Variants in PTPRK observed in about 807,000 individuals in gnomAD.
PTPRK encodes protein tyrosine phosphatase receptor type K.
Under a neutral mutation model 178.0 loss-of-function variants are expected in PTPRK, and 75 were observed. The ratio of observed to expected loss-of-function variants is 0.42; its 90% CI spans 0.35 to 0.51. PTPRK has a LOEUF of 0.51. Among genes scored for constraint, PTPRK ranks in the 20% least tolerant of loss-of-function variants. The probability of loss-of-function intolerance (pLI) is 0.02; values close to 1 mark genes in which losing one functional copy is unlikely to be tolerated. For synonymous variants in PTPRK, 637 were observed against 620.6 expected, an observed-to-expected ratio of 1.03 and a Z score of -0.39; for missense variants, 1,441 against 1,797.8, an observed-to-expected ratio of 0.80 and a Z score of 3.59.
At position 128,040,703 on chromosome 6, in the gene PTPRK, C is replaced by T. The variant is rs114198019; in HGVS notation, c.2194+24055G>A. On this transcript the variant is annotated intron_variant, in intron 13 of 29. Transcript: ENST00000368226. ...GTAAGGCTCTTCCTGCCACTACTAA[C>T]GATATACAAAATGTGATGAGTATCA... Among the ~76,000 whole-genome samples, 724 of 152,176 alleles carry T rather than the reference C, an allele frequency of 4.8e-3. 7 individuals carry two copies. Among genetic ancestry groups the T allele is most frequent in the African/African-American group, 0.016 (676 of 41,542 alleles).
chr6:128,435,605 T>C (rs1845486956), intron 1 of PTPRK, among the ~76,000 whole-genome samples: 3 of 152,218 alleles, frequency 2.0e-5, no homozygotes, highest in Non-Finnish European at 2.9e-5. Flanking sequence ...GATAGTTTTC[T>C]ATCTTTCTGG....
chr6:128,500,072 A>G (rs746043878), intron 1 of PTPRK, among the ~76,000 whole-genome samples: 2 of 152,190 alleles, frequency 1.3e-5, no homozygotes, highest in African/African-American at 2.4e-5. Flanking sequence ...TTACCTCTGA[A>G]ATACTCAGGC....
At chr6:128,294,964 T>C (rs1210104743) in intron 3 of PTPRK, among the ~76,000 whole-genome samples, 2 of 151,936 alleles carry the variant, frequency 1.3e-5, no homozygotes, top group Non-Finnish European at 2.9e-5. Context: ...GAAAGACATA[T>C]GGTTAGAATT....
At position 127,985,851 on chromosome 6, in the gene PTPRK, C is replaced by T. The variant is rs375068975; in HGVS notation, c.3121G>A (p.Val1041Ile). ...ERRGYNEIREVKQFHFTGWPD... is the reference protein window; with the variant it reads ...ERRGYNEIREIKQFHFTGWPD... Reference sequence around the variant, plus strand: ...CAGCCCGTGAAATGGAACTGTTTAACTTCACGGATTTCATTGTACCCCCTC... The same window carrying T: ...CAGCCCGTGAAATGGAACTGTTTAATTTCACGGATTTCATTGTACCCCCTC... The change falls in exon 22 of 30, where the codon GTT becomes ATT. Residue 1041 changes from valine (V) to isoleucine (I), a missense_variant. Physicochemically the swap from Val to Ile is conservative, Grantham distance 29 (BLOSUM62 3). Transcript: ENST00000368226. 1.2e-6 allele frequency: 2 copies of T among 1,611,928 alleles called. No homozygotes were observed. Among genetic ancestry groups the T allele is most frequent in the Non-Finnish European group, 8.5e-7 (1 of 1,178,294 alleles).
intron 6 of PTPRK, among the ~76,000 whole-genome samples, chr6:128,206,991 T>C (rs1807096730): frequency 6.6e-6 from 1 of 152,196 alleles, no homozygotes; most frequent in African/African-American, 2.4e-5. Flanking sequence ...TTTGATATGC[T>C]ACTTGCTTCC....
intron 6 of PTPRK, 77 bp from the exon 7 acceptor site, chr6:128,184,802 A>G (rs1802490544): frequency 1.5e-6 from 2 of 1,354,344 alleles, no homozygotes; most frequent in Non-Finnish European, 2.0e-6. Context: ...AATAAGGCCT[A>G]AATGCTTAAT....
chr6:128,488,161 G>C (rs1185834305), intron 1 of PTPRK, among the ~76,000 whole-genome samples: 2 of 152,206 alleles, frequency 1.3e-5, no homozygotes, highest in Non-Finnish European at 1.5e-5. Context: ...GCAGGTCCAA[G>C]AGTCCAAAAG....
chr6:128,351,196 A>G (rs1308820337), intron 2 of PTPRK, among the ~76,000 whole-genome samples: 3 of 152,210 alleles, frequency 2.0e-5, no homozygotes, highest in Non-Finnish European at 4.4e-5. Flanking sequence ...AAGTAAATAA[A>G]AGGTGGCATT....
chr6:128,075,742 G>A (rs763447518), intron 11 of PTPRK, among the ~76,000 whole-genome samples: 24 of 151,950 alleles, frequency 1.6e-4, no homozygotes, highest in Non-Finnish European at 2.8e-4. Context: ...AACTAAACAC[G>A]AAAACTCTAT....
In PTPRK at chr6:127,973,117, T is replaced by C. The variant is rs766854719; in HGVS notation, c.4174A>G (p.Ile1392Val). The change falls in exon 29 of 30, where the codon ATC (isoleucine) becomes GTC (valine). Residue 1392 changes from isoleucine to valine, a missense_variant. By Grantham distance (29) the Ile-to-Val change is conservative. Around this residue, in one of 4 missense-constraint regions of PTPRK, gnomAD observed 335 missense variants for 512.4 expected, o/e 0.65. Coordinates refer to ENST00000368226, the MANE Select transcript of PTPRK (RefSeq NM_002844.4). ...GRSGMFCAIG[I>V]VVEMVKRQNV... ...TGCCGTTTCACCATTTCAACAACGATGCCTATAGCACAGAACATGCCACTT... is the reference window on the plus strand; with the variant it reads ...TGCCGTTTCACCATTTCAACAACGACGCCTATAGCACAGAACATGCCACTT... 17 of 1,613,906 alleles carry C rather than the reference T, an allele frequency of 1.1e-5. No individual in the cohort carries two copies. Among genetic ancestry groups the C allele is most frequent in the East Asian group, 2.2e-5 (1 of 44,892 alleles).
rs191253079 is a variant in PTPRK at position 128,485,473 on chromosome 6, C to T, written c.100+34786G>A. 1.6e-4 allele frequency among the ~76,000 whole-genome samples: 25 copies of T among 152,196 alleles called. 1 individual carries two copies. In the South Asian group the frequency reaches 4.4e-3, roughly 27 times the overall value. On this transcript the variant is annotated intron_variant, in intron 1 of 29. Transcript: ENST00000368226. Reference sequence around the variant, plus strand: ...GAAAATGCATGCACACACACACACACAGATAATGCCTAATATATAACAATC... The same window carrying T: ...GAAAATGCATGCACACACACACACATAGATAATGCCTAATATATAACAATC...
intron 2 of PTPRK, among the ~76,000 whole-genome samples, chr6:128,342,988 T>C (rs1831881850): frequency 6.6e-6 from 1 of 152,028 alleles, no homozygotes; most frequent in African/African-American, 2.4e-5. Context: ...AGAAACTTTT[T>C]TGGGTGGGGT....
At chr6:128,101,046 A>G (rs995796186) in intron 7 of PTPRK, among the ~76,000 whole-genome samples, 1 of 152,050 alleles carries the variant, frequency 6.6e-6, no homozygotes, top group Non-Finnish European at 1.5e-5. Flanking sequence ...CTTTGTTTCC[A>G]TAAATATGTC....
intron 7 of PTPRK, among the ~76,000 whole-genome samples, chr6:128,115,883 C>G (rs190887182): frequency 2.0e-5 from 3 of 152,106 alleles, no homozygotes; most frequent in South Asian, 4.1e-4. Flanking sequence ...TTAATGCATA[C>G]TAGTCACTAA....
intron 6 of PTPRK, among the ~76,000 whole-genome samples, chr6:128,197,952 A>C (rs1487199046): frequency 1.3e-5 from 2 of 152,124 alleles, no homozygotes; most frequent in Non-Finnish European, 2.9e-5. Context: ...TCTAGGTGCC[A>C]CCATTTCCAA....
At chr6:128,380,670 C>A (rs1418001107) in intron 2 of PTPRK, among the ~76,000 whole-genome samples, 1 of 151,884 alleles carries the variant, frequency 6.6e-6, no homozygotes, top group Non-Finnish European at 1.5e-5. Flanking sequence ...TACAAAGTAA[C>A]TGAAAATACA....
intron 24 of PTPRK, among the ~76,000 whole-genome samples, chr6:127,982,170 C>A (rs548913289): frequency 6.6e-6 from 1 of 152,258 alleles, no homozygotes; most frequent in African/African-American, 2.4e-5. Flanking sequence ...TTGATCTCAT[C>A]ACATTGTGAG....
At chr6:128,154,697 T>C (rs1164092118) in intron 7 of PTPRK, among the ~76,000 whole-genome samples, 1 of 151,734 alleles carries the variant, frequency 6.6e-6, no homozygotes, top group Non-Finnish European at 1.5e-5. Flanking sequence ...CAATTACAGA[T>C]AATTTCAAAA....
At chr6:128,105,066 C>T (rs1400642823) in intron 7 of PTPRK, among the ~76,000 whole-genome samples, 1 of 150,882 alleles carries the variant, frequency 6.6e-6, no homozygotes, top group African/African-American at 2.4e-5. Context: ...TCAAATACTT[C>T]TCTTGTTTTC....
Sources: allele counts gnomAD v4.1 joint callset (sites outside exome capture counted in the v4.1 genomes callset), GRCh38; gene constraint gnomAD v4.1.1; regional missense constraint gnomAD v4.1.1; transcripts MANE v1.5; gene names NCBI Gene and HGNC (gene_info 2026-07-23, HGNC 2026-07-21).